PTPRG: variants seen among roughly 807,000 people sequenced by gnomAD.
PTPRG encodes the protein protein tyrosine phosphatase receptor type G, also known as receptor-type tyrosine-protein phosphatase gamma.
A neutral mutation model predicts 165.3 loss-of-function variants in PTPRG; 102 were observed. The observed-to-expected ratio is 0.62, with a 90% CI of 0.53 to 0.73. The LOEUF (loss-of-function observed/expected upper bound fraction) is 0.73. PTPRG is among the 30% of genes least tolerant of loss of function. PTPRG has a pLI of 0.00. For synonymous variants in PTPRG, 675 were observed against 669.5 expected, an observed-to-expected ratio of 1.01 and a Z score of -0.13; for missense variants, 1,866 against 1,861.4, an observed-to-expected ratio of 1.00 and a Z score of -0.05.
chr3:61,995,049 T>G (rs894626003), intron 3 of PTPRG, among the ~76,000 whole-genome samples: 12 of 115,808 alleles, frequency 1.0e-4, no homozygotes, highest in Admixed American at 4.0e-4. Context: ...CTTACAGGTT[T>G]TTTTTTTCTT....
intron 6 of PTPRG, among the ~76,000 whole-genome samples, chr3:62,152,860 T>C (rs1200236506): frequency 6.6e-6 from 1 of 152,196 alleles, no homozygotes; most frequent in East Asian, 1.9e-4. Flanking sequence ...CCAACACTTG[T>C]GTTAAAATAG....
intron 5 of PTPRG, among the ~76,000 whole-genome samples, chr3:62,113,153 T>C (rs540640810): frequency 9.6e-4 from 146 of 152,290 alleles, no homozygotes; most frequent in African/African-American, 3.4e-3. Flanking sequence ...TCCCAGAAGT[T>C]TGCTGAGAAA....
In PTPRG at chr3:61,752,785, C is replaced by CAAAAAA. The variant is rs749817659; in HGVS notation, c.190+3814_190+3819dup. Among the ~76,000 whole-genome samples, 151 of 69,584 alleles carry CAAAAAA rather than the reference C, an allele frequency of 2.2e-3. 1 individual carries two copies. Among genetic ancestry groups the CAAAAAA allele is most frequent in the Non-Finnish European group, 2.9e-3 (114 of 39,696 alleles). The allele number at this position is 69,584 out of a possible 152,430, so 45.6% of individuals were successfully genotyped here. On this transcript the variant is annotated intron_variant, in intron 2 of 29. Coordinates refer to ENST00000474889, the MANE Select transcript of PTPRG (RefSeq NM_002841.4). ...CCTGGGTGATAGAGCAAGACTGTCT[C>CAAAAAA]AAAAAAAAAAAAAAAAGAAAAAAAA...
At chr3:61,703,818 G>A (rs1193536266) in intron 1 of PTPRG, among the ~76,000 whole-genome samples, 1 of 152,154 alleles carries the variant, frequency 6.6e-6, no homozygotes, top group Non-Finnish European at 1.5e-5. Flanking sequence ...TGAAAGTTCA[G>A]CTCTCTGCAT....
At chr3:61,965,275 G>GT (rs1210780831) in intron 2 of PTPRG, among the ~76,000 whole-genome samples, 1 of 148,816 alleles carries the variant, frequency 6.7e-6, no homozygotes, top group Non-Finnish European at 1.5e-5. Flanking sequence ...AATGACTACA[G>GT]TGTTAAGCTA....
intron 20 of PTPRG, among the ~76,000 whole-genome samples, chr3:62,270,097 T>C (rs1702011623): frequency 6.6e-6 from 1 of 152,138 alleles, no homozygotes; most frequent in Admixed American, 6.6e-5. Flanking sequence ...AAGGAGGAAA[T>C]ACTGTATTAA....
intron 16 of PTPRG, among the ~76,000 whole-genome samples, chr3:62,258,483 G>T (rs1302059134): frequency 6.6e-6 from 1 of 152,182 alleles, no homozygotes; most frequent in Non-Finnish European, 1.5e-5. Flanking sequence ...GTGCAAAGGA[G>T]AAAGGCATCT....
At chr3:62,029,968 T>C (rs116027272) in intron 4 of PTPRG, among the ~76,000 whole-genome samples, 1,713 of 152,326 alleles carry the variant, frequency 0.011, 36 homozygotes, top group African/African-American at 0.038. Flanking sequence ...AATGACTTTA[T>C]ACATTGCTTT....
intron 4 of PTPRG, among the ~76,000 whole-genome samples, chr3:62,052,900 C>A (rs1017984353): frequency 3.9e-5 from 6 of 152,166 alleles, no homozygotes; most frequent in African/African-American, 1.2e-4. Context: ...TAATTGCCTT[C>A]TTTCTGTTTG....
In PTPRG at chr3:62,224,855, G is replaced by A. The variant is rs1700725809; in HGVS notation, c.2288+5872G>A. On this transcript the variant is annotated intron_variant, in intron 13 of 29. Coordinates refer to ENST00000474889, the MANE Select transcript of PTPRG (RefSeq NM_002841.4). The surrounding 1 kb of genome is among the most constrained non-coding windows in gnomAD (Gnocchi z 4.9). Reference sequence around the variant, plus strand: ...AGGACACTATAGTTCTCCCTTGAATGTCCCTCGCAAAGGTCTGCCTTGAAG... The same window carrying A: ...AGGACACTATAGTTCTCCCTTGAATATCCCTCGCAAAGGTCTGCCTTGAAG... Among the ~76,000 whole-genome samples, 1 of 152,190 alleles carries A rather than the reference G, an allele frequency of 6.6e-6. No individual in the cohort carries two copies. Among genetic ancestry groups the A allele is most frequent in the Non-Finnish European group, 1.5e-5 (1 of 68,032 alleles).
intron 4 of PTPRG, among the ~76,000 whole-genome samples, chr3:62,007,439 G>T (rs1426055834): frequency 2.6e-5 from 4 of 152,234 alleles, no homozygotes; most frequent in Non-Finnish European, 5.9e-5. Flanking sequence ...CTCAGTTAAA[G>T]TTAGAAAAGA....
intron 4 of PTPRG, among the ~76,000 whole-genome samples, chr3:62,025,154 A>C (rs2041777957): frequency 6.6e-6 from 1 of 152,176 alleles, no homozygotes; most frequent in Admixed American, 6.5e-5. Context: ...GAAACACTAA[A>C]AATTTTTAAT....
intron 1 of PTPRG, among the ~76,000 whole-genome samples, chr3:61,597,320 C>T (rs1700727231): frequency 6.6e-6 from 1 of 152,148 alleles, no homozygotes; most frequent in African/African-American, 2.4e-5. Context: ...GATTCTAGGA[C>T]TCCCTGTGGA....
At chr3:61,806,101 A>G (rs2035407468) in intron 2 of PTPRG, among the ~76,000 whole-genome samples, 1 of 152,180 alleles carries the variant, frequency 6.6e-6, no homozygotes, top group East Asian at 1.9e-4. Flanking sequence ...ATTGATAAGC[A>G]TCGAATATAC....
chr3:61,841,222 C>T (rs1048250995), intron 2 of PTPRG, among the ~76,000 whole-genome samples: 1 of 152,166 alleles, frequency 6.6e-6, no homozygotes, highest in African/African-American at 2.4e-5. Context: ...TTTATATATA[C>T]TTGACACAGT....
chr3:62,042,480 C>G (rs145017335), intron 4 of PTPRG, among the ~76,000 whole-genome samples: 324 of 152,236 alleles, frequency 2.1e-3, no homozygotes, highest in Middle Eastern at 0.02. Flanking sequence ...TCTCTGATTC[C>G]AGGTCTCACC....
intron 2 of PTPRG, among the ~76,000 whole-genome samples, chr3:61,927,474 G>A (rs80218619): frequency 0.013 from 1,952 of 152,284 alleles, 38 homozygotes; most frequent in African/African-American, 0.044. Context: ...CCACTTGGCT[G>A]TTTTGAGAAT....
At chr3:62,167,872 A>G in intron 7 of PTPRG, 99 bp from the exon 8 acceptor site, 1 of 1,247,932 alleles carries the variant, frequency 8.0e-7, no homozygotes, top group Non-Finnish European at 1.1e-6. Flanking sequence ...TCATGCTCTT[A>G]TCACCTTCAC....
intron 16 of PTPRG, chr3:62,261,749 A>ATAC (rs1024555325): frequency 7.4e-5 from 11 of 148,620 alleles, no homozygotes; most frequent in African/African-American, 2.7e-4. Flanking sequence ...GAGTACAGTA[A>ATAC]CTTCCTCCTT....
Sources: gnomAD v4.1 joint callset for allele counts (sites outside exome capture counted in the v4.1 genomes callset) on GRCh38, gnomAD v4.1.1 for gene constraint, Gnocchi (gnomAD v3.1) non-coding constraint, MANE v1.5 for transcripts, NCBI Gene and HGNC (gene_info 2026-07-23, HGNC 2026-07-21) for gene names.